The following SYTL5 variants were observed in gnomAD, a reference collection of about 807,000 sequenced individuals.
The protein encoded by SYTL5 is synaptotagmin like 5.
A neutral mutation model predicts 55.9 loss-of-function variants in SYTL5; 34 were observed. The ratio of observed to expected loss-of-function variants is 0.61; its 90% CI spans 0.46 to 0.81. SYTL5 has a LOEUF of 0.81. Among genes scored for constraint, SYTL5 ranks in the 30% least tolerant of loss-of-function variants. SYTL5 has a pLI of 0.00. For missense variants in SYTL5, 637 were observed against 546.7 expected, an observed-to-expected ratio of 1.17 and a Z score of -1.65; for synonymous variants, 221 against 188.7, an observed-to-expected ratio of 1.17 and a Z score of -1.40.
the SYTL5 span, among the ~76,000 whole-genome samples, chrX:37,933,960 A>C: frequency 3.5e-4 from 39 of 111,349 alleles, no homozygotes; most frequent in Non-Finnish European, 5.8e-4. Context: ...TATTGGTTTC[A>C]GACATGTAAG....
the SYTL5 span, among the ~76,000 whole-genome samples, chrX:37,901,848 A>G: frequency 1.8e-5 from 2 of 111,628 alleles, no homozygotes; most frequent in East Asian, 2.8e-4. Context: ...CAGGAGAAAT[A>G]ACCAGTCCAG....
chrX:37,940,770 T>G, the SYTL5 span, among the ~76,000 whole-genome samples: 2 of 110,857 alleles, frequency 1.8e-5, no homozygotes, highest in African/African-American at 6.5e-5. Flanking sequence ...AATTTTGTGT[T>G]GACTCTGGGG....
intron 3 of SYTL5, among the ~76,000 whole-genome samples, chrX:38,055,112 G>A (rs1272031954): frequency 2.7e-5 from 3 of 111,741 alleles, no homozygotes; most frequent in Non-Finnish European, 5.6e-5. Context: ...TAATTTCCCT[G>A]AGACATTCTT....
At chrX:38,114,948 T>C (rs1021596034) in intron 13 of SYTL5, among the ~76,000 whole-genome samples, 1 of 112,121 alleles carries the variant, frequency 8.9e-6, no homozygotes, top group African/African-American at 3.2e-5. Context: ...AGTGAGGTCA[T>C]GCAGTGTTCA....
chrX:37,984,669 T>C, the SYTL5 span, among the ~76,000 whole-genome samples: 1 of 111,264 alleles, frequency 9.0e-6, no homozygotes, highest in Non-Finnish European at 1.9e-5. Flanking sequence ...CAAAGCCAGA[T>C]AAAGACATCA....
chrX:37,962,372 A>G, the SYTL5 span, among the ~76,000 whole-genome samples: 1 of 110,602 alleles, frequency 9.0e-6, no homozygotes, highest in African/African-American at 3.3e-5. Flanking sequence ...ATGGTTTCCA[A>G]CTTCATCCAT....
intron 11 of SYTL5, 89 bp downstream of exon 11, chrX:38,106,860 C>A: frequency 1.3e-6 from 1 of 768,232 alleles, no homozygotes; most frequent in Non-Finnish European, 1.8e-6. Flanking sequence ...TCTTAGCATT[C>A]TTCTTGATTC....
chrX:37,952,599 C>T, the SYTL5 span, among the ~76,000 whole-genome samples: 2 of 110,933 alleles, frequency 1.8e-5, no homozygotes, highest in African/African-American at 6.6e-5. Flanking sequence ...GGATTGCTTT[C>T]TGGAGAGGAC....
At chrX:37,931,060 A>G in the SYTL5 span, among the ~76,000 whole-genome samples, 1 of 112,235 alleles carries the variant, frequency 8.9e-6, no homozygotes, top group Admixed American at 9.5e-5. Context: ...GCATGGATAC[A>G]GGGAAGGGTA....
intron 4 of SYTL5, 89 bp downstream of exon 4, chrX:38,072,251 A>G: frequency 3.0e-6 from 2 of 674,451 alleles, no homozygotes; most frequent in East Asian, 3.4e-5. Context: ...GTTAATCAGC[A>G]TAAATGAGTT....
chrX:38,115,712 C>T (rs1291625033), intron 13 of SYTL5, among the ~76,000 whole-genome samples: 1 of 110,921 alleles, frequency 9.0e-6, no homozygotes. Context: ...CACTTTTGGC[C>T]ATTTGTATGT....
At chrX:38,020,142 T>A (rs1013655049) in intron 1 of SYTL5, among the ~76,000 whole-genome samples, 2 of 110,435 alleles carry the variant, frequency 1.8e-5, no homozygotes, top group Non-Finnish European at 3.8e-5. Context: ...TAGCCTAGCA[T>A]GATAATTATT....
intron 2 of SYTL5, among the ~76,000 whole-genome samples, chrX:38,037,953 G>A (rs1376601323): frequency 9.0e-6 from 1 of 111,310 alleles, no homozygotes; most frequent in Non-Finnish European, 1.9e-5. Context: ...CGGGAGAGCT[G>A]ATGCAATAAG....
chrX:38,073,248 C>T (rs1196469010), intron 4 of SYTL5, among the ~76,000 whole-genome samples: 1 of 111,904 alleles, frequency 8.9e-6, no homozygotes, highest in Non-Finnish European at 1.9e-5. Context: ...TTTCTACAAC[C>T]TCATGCTAGA....
chrX:38,112,317 G>C (rs992894673), intron 13 of SYTL5, among the ~76,000 whole-genome samples: 1 of 111,531 alleles, frequency 9.0e-6, no homozygotes, highest in Non-Finnish European at 1.9e-5. Context: ...GATAGGTGGG[G>C]GAGTATGAAG....
At chrX:38,000,610 G>A in the SYTL5 span, among the ~76,000 whole-genome samples, 1 of 112,265 alleles carries the variant, frequency 8.9e-6, no homozygotes, top group Non-Finnish European at 1.9e-5. Context: ...GCCATCTGTA[G>A]GTAGCTCGTG....
the SYTL5 span, among the ~76,000 whole-genome samples, chrX:37,998,607 C>T: frequency 8.9e-6 from 1 of 112,023 alleles, no homozygotes; most frequent in African/African-American, 3.2e-5. Context: ...CCTTGCCGTT[C>T]CACACCTTAC....
the SYTL5 span, among the ~76,000 whole-genome samples, chrX:37,891,920 T>C: frequency 1.8e-5 from 2 of 111,784 alleles, no homozygotes; most frequent in African/African-American, 6.5e-5. Context: ...GCTTGCATCC[T>C]ACTTCTGCCC....
At chrX:38,060,319 C>T (rs7877030) in intron 3 of SYTL5, among the ~76,000 whole-genome samples, 32,085 of 110,600 alleles carry the variant, frequency 0.29, 3,925 homozygotes, top group African/African-American at 0.43. Flanking sequence ...CAGTGGAATT[C>T]GGAGATTGTT....
Sources: gnomAD v4.1 joint callset for allele counts (sites outside exome capture counted in the v4.1 genomes callset) on GRCh38, gnomAD v4.1.1 for gene constraint, MANE v1.5 for transcripts, NCBI Gene and HGNC (gene_info 2026-07-23, HGNC 2026-07-21) for gene names.